Variants in LIN54 observed in about 807,000 individuals in gnomAD.
LIN54 encodes the protein lin-54 DREAM MuvB core complex component.
A neutral mutation model predicts 78.7 loss-of-function variants in LIN54; 9 were observed. The observed-to-expected ratio is 0.11, with a 90% CI of 0.07 to 0.20. LIN54 has a LOEUF of 0.20. Ranked by LOEUF, LIN54 falls within the 10% of genes least tolerant of loss-of-function variation. LIN54 has a pLI of 1.00. For synonymous variants in LIN54, 269 were observed against 318.4 expected (o/e 0.84, Z 1.65); for missense variants, 573 against 889.9 (o/e 0.64, Z 4.53).
At chr4:83,012,523 G>T (rs1183828947), upstream of LIN54, among the ~76,000 whole-genome samples, 1 of 152,086 alleles carries the variant, frequency 6.6e-6, no homozygotes, top group Non-Finnish European at 1.5e-5. Flanking sequence ...CTGGCCGAGC[G>T]CTGGCCCTGC....
At chr4:82,998,491 C>T (rs947168808) in intron 1 of LIN54, among the ~76,000 whole-genome samples, 29 of 2,140 alleles carry the variant, frequency 0.014, no homozygotes, top group East Asian at 0.059. Context: ...TGCAGTAAGC[C>T]GAGATAGCAG....
intron 2 of LIN54, among the ~76,000 whole-genome samples, chr4:82,981,292 C>T (rs996955029): frequency 2.6e-5 from 4 of 152,144 alleles, no homozygotes; most frequent in Non-Finnish European, 5.9e-5. Flanking sequence ...ATACTATGCA[C>T]AGGAAACATG....
At chr4:82,989,966 A>G (rs1462824498) in intron 1 of LIN54, among the ~76,000 whole-genome samples, 1 of 152,208 alleles carries the variant, frequency 6.6e-6, no homozygotes, top group Non-Finnish European at 1.5e-5. Context: ...AGCACCATTC[A>G]GGTGGTATGT....
rs1385793911 is a variant in LIN54, at chr4:82,984,365, T to C, written c.480A>G (p.Gln160=). The C allele has an allele frequency of 4.3e-6, 7 of 1,614,076 alleles. No individual in the cohort carries two copies. The highest frequency in any genetic ancestry group is 5.9e-6 in the Non-Finnish European group (7 of 1,180,038). Reference sequence around the variant, plus strand: ...TTGTAACTTTCTGAGCCTGGGGTAGTTGGCTATGGGGTAGTGCTAAAACAA... The same window carrying C: ...TTGTAACTTTCTGAGCCTGGGGTAGCTGGCTATGGGGTAGTGCTAAAACAA... The part of the protein sequence containing the change: ...SPIVLALPHS[Q]LPQAQKVTTQ... Residue 160 remains glutamine, a synonymous_variant, in exon 2 of 13, where the codon CAA becomes CAG. Transcript: ENST00000340417.
At position 82,997,767 on chromosome 4, in the gene LIN54, C is replaced by T. The variant is rs191443484; in HGVS notation, c.-33+12717G>A. Reference sequence around the variant, plus strand: ...CAGCACTTTGGGAGGCCAAGGAGGGCGGATCACCTGAGGTCAGGAGTTTGA... The same window carrying T: ...CAGCACTTTGGGAGGCCAAGGAGGGTGGATCACCTGAGGTCAGGAGTTTGA... On this transcript the variant is annotated intron_variant, in intron 1 of 12. Transcript: ENST00000340417. Among the ~76,000 whole-genome samples, 141 of 150,898 alleles carry T rather than the reference C, an allele frequency of 9.3e-4. 2 individuals are homozygous for T. The highest frequency in any genetic ancestry group is 1.5e-3 in the Non-Finnish European group (104 of 67,818).
chr4:82,979,859 C>A lies in LIN54; in HGVS notation c.685-853G>T, dbSNP rs1182503772. Among the ~76,000 whole-genome samples the A allele has an allele frequency of 2.1e-5, 3 of 145,664 alleles. No homozygotes were observed. The Admixed American group carries it at 2.2e-4, about 11-fold the overall frequency. On this transcript the variant is annotated intron_variant, in intron 2 of 12. Transcript: ENST00000340417. ...GGCTGAGGCAGGAGAATTGCTTGAA[C>A]CCGGGAGCAGAGGTTGCAGGGAGTC...
Position 82,978,990 on chromosome 4 carries a change from C to A in LIN54, c.701G>T (p.Arg234Leu). The stretch of plus-strand genomic sequence containing the variant: ...GATTACTGGACCAGAGGTTGGCGTT[C>A]GAGGCTTCTTAGCAATCTGAAACAT... Reference protein sequence around the residue: ...LKTVQIAKKPRTPTSGPVITK... With the variant: ...LKTVQIAKKPLTPTSGPVITK... Residue 234 changes from arginine (R) to leucine (L), a missense_variant, in exon 3 of 13, where the codon CGA (arginine) becomes CTA (leucine). Around this residue, in one of 6 missense-constraint regions of LIN54, gnomAD observed 199 missense variants for 260.9 expected, o/e 0.76. Transcript: ENST00000340417. 6.3e-7 allele frequency: 1 copy of A among 1,588,152 alleles called. No homozygotes were observed. The highest frequency in any genetic ancestry group is 8.6e-7 in the Non-Finnish European group (1 of 1,161,598).
chr4:83,011,248 T>TAA (rs1729839933), upstream of LIN54, among the ~76,000 whole-genome samples: 1 of 152,236 alleles, frequency 6.6e-6, no homozygotes, highest in Non-Finnish European at 1.5e-5. Flanking sequence ...CCCGCAGAAC[T>TAA]ACTTTGACAG....
chr4:82,986,951 TAAATGGTAGA>T (rs1224788228), intron 1 of LIN54, among the ~76,000 whole-genome samples: 1 of 152,104 alleles, frequency 6.6e-6, no homozygotes, highest in Non-Finnish European at 1.5e-5. Flanking sequence ...ACATAGCTAG[TAAATGGTAGA>T]GCCAGGACTC....
upstream of LIN54, among the ~76,000 whole-genome samples, chr4:83,011,246 A>G (rs2126120897): frequency 6.6e-6 from 1 of 152,338 alleles, no homozygotes; most frequent in South Asian, 2.1e-4. Context: ...CACCCGCAGA[A>G]CTACTTTGAC....
chr4:82,942,984 G>A (rs1048665747), intron 5 of LIN54, among the ~76,000 whole-genome samples: 3 of 151,738 alleles, frequency 2.0e-5, no homozygotes, highest in Non-Finnish European at 4.4e-5. Context: ...ACTGAAGCCT[G>A]GGGAATGAAG....
At chr4:82,960,793 C>T (rs1724721794) in intron 4 of LIN54, among the ~76,000 whole-genome samples, 1 of 152,142 alleles carries the variant, frequency 6.6e-6, no homozygotes, top group African/African-American at 2.4e-5. Context: ...GGCGTGGTAG[C>T]TCATACATGT....
chr4:83,001,008 G>C (rs1728718462), intron 1 of LIN54, among the ~76,000 whole-genome samples: 1 of 151,626 alleles, frequency 6.6e-6, no homozygotes, highest in African/African-American at 2.4e-5. Context: ...AGGAGAGATG[G>C]GGTTCTGCCA....
chr4:82,987,043 C>T (rs960928419), intron 1 of LIN54, among the ~76,000 whole-genome samples: 2 of 152,168 alleles, frequency 1.3e-5, no homozygotes, highest in African/African-American at 2.4e-5. Flanking sequence ...GTAATCCCAG[C>T]ACTTTGGGAG....
At chr4:82,988,904 T>C (rs1727420758) in intron 1 of LIN54, among the ~76,000 whole-genome samples, 1 of 152,046 alleles carries the variant, frequency 6.6e-6, no homozygotes, top group South Asian at 2.1e-4. Flanking sequence ...AAATACTGGG[T>C]TTGGCCGGGC....
chr4:82,929,714 G>A (rs1485834170), intron 12 of LIN54, among the ~76,000 whole-genome samples: 1 of 152,010 alleles, frequency 6.6e-6, no homozygotes. Context: ...GCTGAGGCAG[G>A]AGAATTGCTT....
chr4:82,978,962 C>T lies in LIN54; in HGVS notation c.729G>A (p.Thr243=). ...PRTPTSGPVI[T]KLIFAKPINS... ...TAATTGGTTTTGCAAAGATCAGCTT[C>T]GTGATTACTGGACCAGAGGTTGGCG... The change falls in exon 3 of 13, where the codon ACG becomes ACA. Residue 243 remains threonine (T), a synonymous_variant. Transcript: ENST00000340417. The T allele has an allele frequency of 1.9e-6, 3 of 1,594,550 alleles. No homozygotes were observed. The highest frequency in any genetic ancestry group is 2.3e-5 in the South Asian group (2 of 88,546).
At position 82,926,768 on chromosome 4, in the gene LIN54, C is replaced by T. The variant is rs1002559112; in HGVS notation, c.*1334G>A. 1.3e-5 allele frequency: 2 copies of T among 152,192 alleles called. No individual in the cohort carries two copies. The highest frequency in any genetic ancestry group is 2.1e-4 in the South Asian group (1 of 4,828). 9.4% of individuals were successfully genotyped at this position (152,192 alleles called of 1,614,324 possible). On this transcript the variant is annotated 3_prime_UTR_variant, in exon 13 of 13. Transcript: ENST00000340417. ...ACTTCCCTTATAAAAAGAAATCCCA[C>T]CACAATTTTGAAAATTTTGTTAGGA... is the stretch of plus-strand genomic sequence containing the variant.
rs1333181682 is a variant in LIN54 at position 82,926,099 on chromosome 4, TCATA to T, written c.*1999_*2002del. On this transcript the variant is annotated 3_prime_UTR_variant, in exon 13 of 13. Transcript: ENST00000340417. Reference sequence around the variant, plus strand: ...AGCAAAACATTCGTAAGCAATGCCATCATACATAATCTACAATTGTAATCAAAAT... The same window carrying T: ...AGCAAAACATTCGTAAGCAATGCCATCATAATCTACAATTGTAATCAAAAT... 6.6e-6 allele frequency: 1 copy of T among 152,616 alleles called. No individual in the cohort carries two copies. Among genetic ancestry groups the T allele is most frequent in the Non-Finnish European group, 1.5e-5 (1 of 68,024 alleles). The allele number at this position is 152,616 out of a possible 1,614,324, so 9.5% of individuals were successfully genotyped here.
Sources: gnomAD v4.1 joint callset for allele counts (sites outside exome capture counted in the v4.1 genomes callset) on GRCh38, gnomAD v4.1.1 for gene constraint, gnomAD v4.1.1 regional missense constraint, MANE v1.5 for transcripts, NCBI Gene and HGNC (gene_info 2026-07-23, HGNC 2026-07-21) for gene names.